The following NDST1 variants were observed in gnomAD, a reference collection of about 807,000 sequenced individuals.
The protein encoded by NDST1 is bifunctional heparan sulfate N-deacetylase/N-sulfotransferase 1.
In NDST1, 35 loss-of-function variants were observed where a neutral mutation model predicts 92.8. The ratio of observed to expected loss-of-function variants is 0.38; its 90% CI spans 0.29 to 0.50. NDST1 has a LOEUF of 0.50. Ranked by LOEUF, NDST1 falls within the 20% of genes least tolerant of loss-of-function variation. The pLI is 0.94. For missense variants in NDST1, 822 were observed against 1,182.7 expected (o/e 0.69, Z 4.47); for synonymous variants, 493 against 500.3 (o/e 0.99, Z 0.19).
intron 2 of NDST1, among the ~76,000 whole-genome samples, chr5:150,526,275 A>T (rs890207840): frequency 2.6e-5 from 4 of 152,154 alleles, no homozygotes; most frequent in Non-Finnish European, 5.9e-5. Context: ...CTGAAGTTTT[A>T]TATTTATTCC....
chr5:150,551,665 G>A, intron 13 of NDST1, 88 bp from the exon 14 acceptor site: 6 of 1,517,294 alleles, frequency 4.0e-6, no homozygotes, highest in Non-Finnish European at 5.4e-6. Context: ...CCTGGTCTCT[G>A]CCATTCCTGG....
In NDST1 at chr5:150,545,474, T is replaced by C. The variant is rs1755436652; in HGVS notation, c.2133T>C (p.Tyr711=). 1 of 1,614,236 alleles carries C rather than the reference T, an allele frequency of 6.2e-7. No individual in the cohort carries two copies. Among genetic ancestry groups the C allele is most frequent in the Admixed American group, 1.7e-5 (1 of 60,024 alleles). ...TILINPADRA[Y]SWYQHQRAHD... ...TCATCAACCCCGCGGACCGGGCCTA[T>C]TCCTGGTACCAGGTGAGTGGGGCTG... The change falls in exon 11 of 15, where the codon TAT becomes TAC. Residue 711 remains tyrosine, a synonymous_variant. Coordinates refer to ENST00000261797, the MANE Select transcript of NDST1 (RefSeq NM_001543.5).
Position 150,553,680 on chromosome 5 carries a change from G to A in NDST1, c.*348G>A. 2.4e-6 allele frequency: 1 copy of A among 413,326 alleles called. No individual in the cohort carries two copies. The highest frequency in any genetic ancestry group is 4.6e-6 in the Non-Finnish European group (1 of 217,622). 25.6% of individuals were successfully genotyped at this position (413,326 alleles called of 1,614,324 possible). ...CCCCTCTCGTCACCCATCACTCCCT[G>A]CTTCCGCAGGGCGCCCCTCAGTATT... On this transcript the variant is annotated 3_prime_UTR_variant, in exon 15 of 15. Transcript: ENST00000261797. The surrounding 1 kb of genome is among the most constrained non-coding windows in gnomAD (Gnocchi z 4.2).
At chr5:150,499,875 T>C (rs1197149581) in intron 1 of NDST1, among the ~76,000 whole-genome samples, 1 of 152,200 alleles carries the variant, frequency 6.6e-6, no homozygotes, top group Non-Finnish European at 1.5e-5. Flanking sequence ...GGGAGGACTG[T>C]GCTCAGCAGC....
chr5:150,528,354 C>T (rs1754564094), intron 3 of NDST1, 56 bp downstream of exon 3: 1 of 1,538,216 alleles, frequency 6.5e-7, no homozygotes, highest in Non-Finnish European at 8.8e-7. Flanking sequence ...AAGCTTCAGC[C>T]TTCAGGTGCC....
rs1754221018 is a variant in NDST1 at position 150,520,992 on chromosome 5, C to G, written c.-263C>G. On this transcript the variant is annotated 5_prime_UTR_variant, in exon 2 of 15. Transcript: ENST00000261797. ...CGCCCTGGGGCACTTCTGCTCTGCA[C>G]AGGACCACGCGGGGGTTTGCCATGG... 1 of 594,290 alleles carries G rather than the reference C, an allele frequency of 1.7e-6. No homozygotes were observed. The highest frequency in any genetic ancestry group is 1.9e-5 in the African/African-American group (1 of 53,894). 36.8% of individuals were successfully genotyped at this position (594,290 alleles called of 1,614,324 possible).
chr5:150,526,243 C>T (rs996936865), intron 2 of NDST1, among the ~76,000 whole-genome samples: 2 of 152,220 alleles, frequency 1.3e-5, no homozygotes, highest in Non-Finnish European at 2.9e-5. Flanking sequence ...ATATGAACCT[C>T]CTCTGTGTAG....
At chr5:150,510,801 C>T (rs746217518) in intron 1 of NDST1, among the ~76,000 whole-genome samples, 17 of 152,198 alleles carry the variant, frequency 1.1e-4, no homozygotes, top group African/African-American at 1.9e-4. Flanking sequence ...TGTTGATTGA[C>T]GGATGATCTG....
upstream of NDST1, among the ~76,000 whole-genome samples, chr5:150,504,969 C>T (rs571254816): frequency 3.3e-5 from 5 of 152,256 alleles, no homozygotes; most frequent in South Asian, 8.3e-4. Context: ...TTCCTGTGTG[C>T]GTGTTGGGAA....
intron 2 of NDST1, among the ~76,000 whole-genome samples, chr5:150,525,390 C>T (rs1754426222): frequency 1.3e-5 from 2 of 152,196 alleles, no homozygotes; most frequent in Non-Finnish European, 2.9e-5. Context: ...TCCAGTGTGG[C>T]ATCCCAGGCC....
At chr5:150,528,372 G>T in intron 3 of NDST1, 74 bp downstream of exon 3, 1 of 1,505,128 alleles carries the variant, frequency 6.6e-7, no homozygotes, top group Non-Finnish European at 9.0e-7. Context: ...GCCCCATCGT[G>T]GGTGTGCCCT....
At chr5:150,535,361 G>A (rs1319704003) in intron 5 of NDST1, 5 of 985,280 alleles carry the variant, frequency 5.1e-6, no homozygotes, top group Admixed American at 6.1e-5. Context: ...AGGAGGGAAC[G>A]AGCCCTAGGT....
chr5:150,522,749 A>G (rs139325717), intron 2 of NDST1, among the ~76,000 whole-genome samples: 97 of 152,284 alleles, frequency 6.4e-4, no homozygotes, highest in African/African-American at 2.2e-3. Flanking sequence ...TACAAAAAGA[A>G]ACAAAGCAGG....
At chr5:150,545,943 G>T (rs1045200602) in intron 11 of NDST1, among the ~76,000 whole-genome samples, 2 of 152,006 alleles carry the variant, frequency 1.3e-5, no homozygotes, top group African/African-American at 4.8e-5. Flanking sequence ...TACATGGAGA[G>T]GGTGTGGATC....
chr5:150,529,793 T>TA (rs1485146635), intron 3 of NDST1, among the ~76,000 whole-genome samples: 1 of 152,194 alleles, frequency 6.6e-6, no homozygotes, highest in African/African-American at 2.4e-5. Context: ...CAGGAGGCTT[T>TA]AAAAAGAGAC....
At position 150,540,102 on chromosome 5, in the gene NDST1, C is replaced by T. The variant is rs1210606020; in HGVS notation, c.1587C>T (p.His529=). 1.9e-6 allele frequency: 3 copies of T among 1,614,226 alleles called. No homozygotes were observed. The highest frequency in any genetic ancestry group is 1.7e-5 in the Admixed American group (1 of 60,024). The change falls in exon 8 of 15, where the codon CAC becomes CAT. Residue 529 remains histidine (H), a synonymous_variant. Coordinates refer to ENST00000261797, the MANE Select transcript of NDST1 (RefSeq NM_001543.5). ...AGCAGATCAGCATCTTCATGACGCACCTGTCCAACTATGGGAATGACCGCC... is the reference window on the plus strand; with the variant it reads ...AGCAGATCAGCATCTTCATGACGCATCTGTCCAACTATGGGAATGACCGCC... ...LLNPISIFMT[H]LSNYGNDRLG...
intron 2 of NDST1, among the ~76,000 whole-genome samples, chr5:150,523,584 C>T (rs2151273147): frequency 6.6e-6 from 1 of 152,314 alleles, no homozygotes; most frequent in East Asian, 1.9e-4. Context: ...GCCCCAGAGG[C>T]CTTAGTCTTA....
chr5:150,530,217 T>C (rs552751410), intron 3 of NDST1, among the ~76,000 whole-genome samples: 3 of 152,354 alleles, frequency 2.0e-5, no homozygotes, highest in East Asian at 3.9e-4. Context: ...CCAGCGGTGC[T>C]GCTTTGCGCT....
intron 1 of NDST1, among the ~76,000 whole-genome samples, chr5:150,518,084 T>G (rs1393864909): frequency 6.6e-6 from 1 of 152,228 alleles, no homozygotes; most frequent in Non-Finnish European, 1.5e-5. Context: ...CTTCTTGCCC[T>G]GCTCTCAGCT....
Sources: allele counts gnomAD v4.1 joint callset (sites outside exome capture counted in the v4.1 genomes callset), GRCh38; gene constraint gnomAD v4.1.1; non-coding constraint Gnocchi (gnomAD v3.1); transcripts MANE v1.5; gene names NCBI Gene and HGNC (gene_info 2026-07-23, HGNC 2026-07-21).